MREG: variants seen among roughly 807,000 people sequenced by gnomAD.
MREG encodes the protein dilute suppressor protein homolog.
Under a neutral mutation model 28.5 loss-of-function variants are expected in MREG, and 31 were observed. That is an observed-to-expected ratio of 1.09 (90% CI 0.82 to 1.47). The LOEUF is 1.47. Ranked by LOEUF, MREG falls within the 40% of genes most tolerant of loss-of-function variation. MREG has a pLI of 0.00. For synonymous variants in MREG, 106 were observed against 95.2 expected, an observed-to-expected ratio of 1.11 and a Z score of -0.66; for missense variants, 256 against 257.4, an observed-to-expected ratio of 0.99 and a Z score of 0.04.
intron 1 of MREG, among the ~76,000 whole-genome samples, chr2:216,009,871 A>T (rs1574652815): frequency 6.6e-6 from 1 of 152,284 alleles, no homozygotes; most frequent in South Asian, 2.1e-4. Context: ...GCATGCTCTT[A>T]TCACTGATGG....
chr2:216,018,162 C>CA (rs930178567), upstream of MREG, among the ~76,000 whole-genome samples: 18 of 149,696 alleles, frequency 1.2e-4, no homozygotes, highest in African/African-American at 2.7e-4. Context: ...GACTCCACCT[C>CA]AAAAAAAAAA....
intron 2 of MREG, among the ~76,000 whole-genome samples, chr2:215,954,690 A>C (rs1289643677): frequency 6.6e-6 from 1 of 151,772 alleles, no homozygotes; most frequent in Non-Finnish European, 1.5e-5. Flanking sequence ...CTTTTTTCTT[A>C]TGCATTCACT....
In MREG at chr2:215,944,816, G is replaced by T. The variant is rs752788100; in HGVS notation, c.*47C>A. 150 of 1,536,164 alleles carry T rather than the reference G, an allele frequency of 9.8e-5. No homozygotes were observed. The highest frequency in any genetic ancestry group is 1.2e-4 in the Non-Finnish European group (137 of 1,126,936). On this transcript the variant is annotated 3_prime_UTR_variant, in exon 5 of 5. Coordinates refer to ENST00000263268, the MANE Select transcript of MREG (RefSeq NM_018000.3). ...TGTAATTGTCCAACTTTGGTTGACT[G>T]CTGAGTCCTCATGGAAGAATTCCCA...
chr2:216,005,599 C>T (rs894550319), intron 1 of MREG, among the ~76,000 whole-genome samples: 6 of 151,284 alleles, frequency 4.0e-5, no homozygotes, highest in East Asian at 1.9e-4. Context: ...TTATAAGTGC[C>T]GCCACCACAC....
At chr2:215,950,321 G>C (rs1692450386) in intron 2 of MREG, among the ~76,000 whole-genome samples, 1 of 152,108 alleles carries the variant, frequency 6.6e-6, no homozygotes, top group South Asian at 2.1e-4. Context: ...TTCCCTTCCT[G>C]CTGTCCATCG....
chr2:216,026,574 T>G (rs941065337), intron 1 of MREG, among the ~76,000 whole-genome samples: 3 of 152,144 alleles, frequency 2.0e-5, no homozygotes, highest in Non-Finnish European at 4.4e-5. Flanking sequence ...TTGCCCAGGC[T>G]GGTCTTGAAC....
At chr2:215,941,571 A>G (rs1278519972), downstream of MREG, 1 of 152,174 alleles carries the variant, frequency 6.6e-6, no homozygotes, top group East Asian at 1.9e-4. Flanking sequence ...ATTGCCATAC[A>G]CACTTGCAGT....
chr2:215,969,992 C>T (rs148038411), intron 2 of MREG, among the ~76,000 whole-genome samples: 2,458 of 152,218 alleles, frequency 0.016, 57 homozygotes, highest in East Asian at 0.1. Context: ...CTCACCATGG[C>T]CTACATTTTT....
intron 2 of MREG, among the ~76,000 whole-genome samples, chr2:215,963,109 C>G (rs1299374058): frequency 1.3e-5 from 2 of 151,456 alleles, no homozygotes; most frequent in African/African-American, 4.9e-5. Flanking sequence ...GTCTGGGTGA[C>G]AGAGCGAGAC....
At chr2:215,988,237 A>C (rs917576126) in intron 2 of MREG, among the ~76,000 whole-genome samples, 20 of 152,180 alleles carry the variant, frequency 1.3e-4, no homozygotes, top group Non-Finnish European at 1.5e-4. Flanking sequence ...GGTGCAGCCC[A>C]CAGAGGGCAA....
At chr2:215,990,349 G>C (rs532907274) in intron 2 of MREG, among the ~76,000 whole-genome samples, 51 of 152,250 alleles carry the variant, frequency 3.3e-4, no homozygotes, top group African/African-American at 1.2e-3. Context: ...CAAATACTGA[G>C]AGATTTTGTC....
chr2:216,018,395 T>C (rs531939045), upstream of MREG, among the ~76,000 whole-genome samples: 1 of 152,308 alleles, frequency 6.6e-6, no homozygotes, highest in South Asian at 2.1e-4. Flanking sequence ...GACCTTGCCA[T>C]ACGACAACAT....
chr2:215,957,528 G>A (rs901563458), intron 2 of MREG, among the ~76,000 whole-genome samples: 2 of 152,124 alleles, frequency 1.3e-5, no homozygotes, highest in Admixed American at 6.5e-5. Flanking sequence ...GAGAGGAGGC[G>A]GGCAGGAGCC....
chr2:215,990,228 TG>T (rs1182834770), intron 2 of MREG, among the ~76,000 whole-genome samples: 1 of 151,820 alleles, frequency 6.6e-6, no homozygotes, highest in African/African-American at 2.4e-5. Context: ...CAGAAGAGAG[TG>T]GGGGCCAATA....
intron 1 of MREG, among the ~76,000 whole-genome samples, chr2:216,030,073 A>G (rs1694656895): frequency 6.6e-6 from 1 of 152,214 alleles, no homozygotes; most frequent in African/African-American, 2.4e-5. Context: ...GCTTGCTCTG[A>G]AATGACAGGT....
intron 2 of MREG, among the ~76,000 whole-genome samples, chr2:215,995,511 C>CCCCCCCCCCCCG (rs146414052): frequency 1.0e-4 from 14 of 136,098 alleles, no homozygotes; most frequent in African/African-American, 2.9e-4. Flanking sequence ...CCCACCCCAC[C>CCCCCCCCCCCCG]CCCCGCCACC....
chr2:216,013,558 GC>G (rs1215322130), upstream of MREG: 1 of 165,488 alleles, frequency 6.0e-6, no homozygotes, highest in Non-Finnish European at 1.3e-5. Flanking sequence ...TTTTCTTCGG[GC>G]TTTTTTTCCC....
intron 2 of MREG, among the ~76,000 whole-genome samples, chr2:215,960,975 C>T (rs79139449): frequency 0.017 from 2,584 of 152,346 alleles, 64 homozygotes; most frequent in African/African-American, 0.058. Context: ...AAAGAGAAGA[C>T]TGTATTTCAC....
Position 215,943,187 on chromosome 2 carries a change from C to T in MREG, c.*1676G>A. ...AAATCTGTAAAAATAAAAATATTTC[C>T]ATTTTTCTCAGCAATCTATGGATTA... is the stretch of plus-strand genomic sequence containing the variant. On this transcript the variant is annotated 3_prime_UTR_variant, in exon 5 of 5. Coordinates refer to ENST00000263268, the MANE Select transcript of MREG (RefSeq NM_018000.3). The T allele has an allele frequency of 4.0e-6, 1 of 249,382 alleles. No individual in the cohort carries two copies. Among genetic ancestry groups the T allele is most frequent in the Non-Finnish European group, 8.2e-6 (1 of 122,420 alleles). The allele number at this position is 249,382 out of a possible 1,614,324, so 15.4% of individuals were successfully genotyped here.
Sources: allele counts gnomAD v4.1 joint callset (sites outside exome capture counted in the v4.1 genomes callset), GRCh38; gene constraint gnomAD v4.1.1; transcripts MANE v1.5; gene names NCBI Gene and HGNC (gene_info 2026-07-23, HGNC 2026-07-21).